RHD: variants seen among roughly 807,000 people sequenced by gnomAD.
RHD encodes Rh blood group D antigen.
In RHD, 16 loss-of-function variants were observed where a neutral mutation model predicts 45.5. That is an observed-to-expected ratio of 0.35 (90% CI 0.24 to 0.53). The LOEUF (loss-of-function observed/expected upper bound fraction) is 0.53, where lower values mean the gene tolerates loss of function less well. Ranked by LOEUF, RHD falls within the 20% of genes least tolerant of loss-of-function variation. The probability of loss-of-function intolerance (pLI) is 0.92; values close to 1 mark genes in which losing one functional copy is unlikely to be tolerated. For missense variants in RHD, 306 were observed against 532.0 expected, an observed-to-expected ratio of 0.58 and a Z score of 4.18; for synonymous variants, 131 against 217.5, an observed-to-expected ratio of 0.60 and a Z score of 3.50.
At chr1:25,311,935 G>A (rs2124034646) in intron 7 of RHD, among the ~76,000 whole-genome samples, 1 of 130,910 alleles carries the variant, frequency 7.6e-6, no homozygotes, top group East Asian at 2.0e-4. Context: ...AGAGCCCCTA[G>A]TAGAGCAGGG....
intron 7 of RHD, among the ~76,000 whole-genome samples, chr1:25,312,612 T>C (rs1459313690): frequency 7.8e-6 from 1 of 129,012 alleles, no homozygotes; most frequent in African/African-American, 2.6e-5. Flanking sequence ...TAGCCAGGTA[T>C]TGTGGCATAT....
At chr1:25,304,861 G>C (rs1465097684) in intron 6 of RHD, 1 of 131,776 alleles carries the variant, frequency 7.6e-6, no homozygotes, top group Non-Finnish European at 1.8e-5. Flanking sequence ...AGAACACATA[G>C]CAAGTTATCA....
At chr1:25,307,642 C>T (rs1643918209) in intron 7 of RHD, 1 of 1,181,584 alleles carries the variant, frequency 8.5e-7, no homozygotes, top group African/African-American at 1.5e-5. Flanking sequence ...AGTTATCTGC[C>T]CAAGGTCACT....
In RHD at chr1:25,300,999, G is replaced by A; in HGVS notation, c.540G>A (p.Gly180=). The change falls in exon 4 of 10, where the codon GGG becomes GGA. Residue 180 remains glycine (G), a synonymous_variant. Transcript: ENST00000328664. ...MHIYVFAAYF[G]LSVAWCLPKP... ...TCTACGTGTTCGCAGCCTATTTTGG[G>A]CTGTCTGTGGCCTGGTGCCTGCCAA... 1 of 1,375,742 alleles carries A rather than the reference G, an allele frequency of 7.3e-7. No homozygotes were observed. Among genetic ancestry groups the A allele is most frequent in the East Asian group, 2.2e-5 (1 of 44,640 alleles). 85.2% of individuals were successfully genotyped at this position (1,375,742 alleles called of 1,614,324 possible).
chr1:25,312,749 C>T (rs1286656773), intron 7 of RHD, among the ~76,000 whole-genome samples: 1 of 116,414 alleles, frequency 8.6e-6, no homozygotes, highest in African/African-American at 2.8e-5. Flanking sequence ...GACTCTGTCT[C>T]TACAAATAAA....
chr1:25,329,031 T>C lies in RHD; in HGVS notation c.*107T>C. The C allele has an allele frequency of 2.9e-6, 4 of 1,378,324 alleles. 2 individuals are homozygous for C. The highest frequency in any genetic ancestry group is 4.1e-6 in the Non-Finnish European group (4 of 978,570). 85.4% of individuals were successfully genotyped at this position (1,378,324 alleles called of 1,614,324 possible). On this transcript the variant is annotated 3_prime_UTR_variant, in exon 10 of 10. Transcript: ENST00000328664. ...ACGCTCATGACAGCAAAGTCTCCAA[T>C]GTTCGCGCAGGCACTGGAGTCAGAG...
intron 1 of RHD, among the ~76,000 whole-genome samples, chr1:25,276,532 T>A (rs1237643439): frequency 2.0e-4 from 13 of 64,782 alleles, no homozygotes; most frequent in African/African-American, 8.7e-4. Flanking sequence ...CCCCCATCTC[T>A]AAAAAAAAAA....
In RHD at chr1:25,309,472, C is replaced by T. The variant is rs1357368270; in HGVS notation, c.1073+2743C>T. Among the ~76,000 whole-genome samples, 14 of 131,834 alleles carry T rather than the reference C, an allele frequency of 1.1e-4. 2 individuals carry two copies. Among genetic ancestry groups the T allele is most frequent in the Admixed American group, 2.9e-4 (4 of 13,580 alleles). 86.5% of individuals were successfully genotyped at this position (131,834 alleles called of 152,430 possible). A position where few individuals can be genotyped will look rare whatever the true frequency, so the allele number is the denominator to read the frequency against. ...TTTGTTTTCATTGTATCTCTTTTTA[C>T]AGCTACCTCCCATTTCCCTTCTATT... On this transcript the variant is annotated intron_variant, in intron 7 of 9. Coordinates refer to ENST00000328664, the MANE Select transcript of RHD (RefSeq NM_016124.6).
rs757700094 is a variant in RHD at position 25,290,748 on chromosome 1, C to G, written c.443C>G (p.Thr148Arg). The G allele has an allele frequency of 3.6e-5, 49 of 1,377,270 alleles. 7 individuals are homozygous for G. In the South Asian group the frequency reaches 5.4e-4, roughly 15 times the overall value. The allele number at this position is 1,377,270 out of a possible 1,614,324, so 85.3% of individuals were successfully genotyped here. ...QLVVMVLVEV[T>R]ALGNLRMVIS... ...GTGGTGATGGTGCTGGTGGAGGTGA[C>G]AGCTTTAGGCAACCTGAGGATGGTC... The change falls in exon 3 of 10, where the codon ACA (threonine) becomes AGA (arginine). Residue 148 changes from threonine to arginine, a missense_variant. Coordinates refer to ENST00000328664, the MANE Select transcript of RHD (RefSeq NM_016124.6).
intron 7 of RHD, among the ~76,000 whole-genome samples, chr1:25,316,620 A>C (rs1446498661): frequency 0.016 from 1,377 of 88,240 alleles, 144 homozygotes; most frequent in African/African-American, 0.072. Context: ...CAAAAACAGA[A>C]AAAAAAAAAA....
rs756911715 is a variant in RHD at position 25,329,678 on chromosome 1, G to A, written c.*754G>A. On this transcript the variant is annotated 3_prime_UTR_variant, in exon 10 of 10. Coordinates refer to ENST00000328664, the MANE Select transcript of RHD (RefSeq NM_016124.6). ...TTTTTATACTTTTTTTTTTTGAAAC[G>A]GAGTCTCACTCTGTCACCAGGCTGG... 5.0e-4 allele frequency: 64 copies of A among 128,304 alleles called. 15 individuals carry two copies. Among genetic ancestry groups the A allele is most frequent in the Non-Finnish European group, 9.7e-4 (53 of 54,668 alleles). The allele number at this position is 128,304 out of a possible 1,614,324, so 7.9% of individuals were successfully genotyped here. A position where few individuals can be genotyped will look rare whatever the true frequency, so the allele number is the denominator to read the frequency against.
Position 25,280,135 on chromosome 1 carries a change from C to CT in RHD, c.149-4437dup, listed in dbSNP as rs1280876504. On this transcript the variant is annotated intron_variant, in intron 1 of 9. Coordinates refer to ENST00000328664, the MANE Select transcript of RHD (RefSeq NM_016124.6). ...GAGCTCTGTCAACAGCTCATGGAAA[C>CT]TGCTGCCCTAATTTCATCTTGTTGG... is the stretch of plus-strand genomic sequence containing the variant. Among the ~76,000 whole-genome samples the CT allele has an allele frequency of 3.1e-5, 4 of 128,558 alleles. 1 individual carries two copies. Among genetic ancestry groups the CT allele is most frequent in the Admixed American group, 1.5e-4 (2 of 13,258 alleles). The allele number at this position is 128,558 out of a possible 152,430, so 84.3% of individuals were successfully genotyped here.
rs1336743544 is a variant in RHD, at chr1:25,313,090, G to A, written c.1074-3910G>A. ...TTAATCTCCAAATTCATATGTTGAT[G>A]AAATTGGAGGTGAAGCCTTTGGGAG... On this transcript the variant is annotated intron_variant, in intron 7 of 9. Coordinates refer to ENST00000328664, the MANE Select transcript of RHD (RefSeq NM_016124.6). Among the ~76,000 whole-genome samples, 6 of 128,448 alleles carry A rather than the reference G, an allele frequency of 4.7e-5. 3 individuals are homozygous for A. Among genetic ancestry groups the A allele is most frequent in the Admixed American group, 1.5e-4 (2 of 13,058 alleles). The allele number at this position is 128,448 out of a possible 152,430, so 84.3% of individuals were successfully genotyped here.
chr1:25,308,325 G>A (rs2518075), intron 7 of RHD, among the ~76,000 whole-genome samples: 99,038 of 106,772 alleles, frequency 0.93, 47,192 homozygotes, highest in Non-Finnish European at 1. Flanking sequence ...TGTTAGAAAT[G>A]CAAGCCCTAC....
rs1440166670 is a variant in RHD, at chr1:25,308,209, C to T, written c.1073+1480C>T. On this transcript the variant is annotated intron_variant, in intron 7 of 9. Coordinates refer to ENST00000328664, the MANE Select transcript of RHD (RefSeq NM_016124.6). ...AGAAAATTCAAGATTGTTAGTAACA[C>T]TGTGTGGCTAAATTCTGCTTGTGGG... Among the ~76,000 whole-genome samples, 3 of 117,536 alleles carry T rather than the reference C, an allele frequency of 2.6e-5. 1 individual carries two copies. Among genetic ancestry groups the T allele is most frequent in the African/African-American group, 5.9e-5 (2 of 33,840 alleles). The allele number at this position is 117,536 out of a possible 152,430, so 77.1% of individuals were successfully genotyped here.
rs766794964 is a variant in RHD, at chr1:25,272,552, G to T, written c.5G>T (p.Ser2Ile). 4 of 1,579,736 alleles carry T rather than the reference G, an allele frequency of 2.5e-6. No individual in the cohort carries two copies. The Admixed American group carries it at 6.8e-5, about 27-fold the overall frequency. ...CTGCACAGAGACGGACACAGGATGA[G>T]CTCTAAGTACCCGCGGTCTGTCCGG... M[S>I]SKYPRSVRRC... The change falls in exon 1 of 10, where the codon AGC (serine) becomes ATC (isoleucine). Residue 2 changes from serine to isoleucine, a missense_variant. Physicochemically the swap from Ser to Ile is moderately radical, Grantham distance 142. Transcript: ENST00000328664.
At position 25,314,669 on chromosome 1, in the gene RHD, T is replaced by C. The variant is rs1289848965; in HGVS notation, c.1074-2331T>C. 5.3e-5 allele frequency among the ~76,000 whole-genome samples: 7 copies of C among 131,604 alleles called. 2 individuals carry two copies. The highest frequency in any genetic ancestry group is 2.3e-4 in the South Asian group (1 of 4,326). The allele number at this position is 131,604 out of a possible 152,430, so 86.3% of individuals were successfully genotyped here. ...CCACCATGCCCAGCTAACTTCTGTA[T>C]AGACAAAATAATTTTTGGTAGAGAC... On this transcript the variant is annotated intron_variant, in intron 7 of 9. Coordinates refer to ENST00000328664, the MANE Select transcript of RHD (RefSeq NM_016124.6).
At chr1:25,314,109 G>A (rs1384816669) in intron 7 of RHD, among the ~76,000 whole-genome samples, 2 of 132,736 alleles carry the variant, frequency 1.5e-5, no homozygotes, top group African/African-American at 2.6e-5. Context: ...GCCTAGAAGT[G>A]AAATTGTTGA....
At chr1:25,314,349 G>A (rs533901596) in intron 7 of RHD, among the ~76,000 whole-genome samples, 1 of 132,568 alleles carries the variant, frequency 7.5e-6, no homozygotes, top group African/African-American at 2.6e-5. Flanking sequence ...TATGCTTTTT[G>A]GACAGTTGAA....
Sources: gnomAD v4.1 joint callset for allele counts (sites outside exome capture counted in the v4.1 genomes callset) on GRCh38, gnomAD v4.1.1 for gene constraint, MANE v1.5 for transcripts, NCBI Gene and HGNC (gene_info 2026-07-23, HGNC 2026-07-21) for gene names.